Variants in STT3B observed in about 807,000 individuals in gnomAD.
STT3B encodes dolichyl-diphosphooligosaccharide--protein glycosyltransferase subunit STT3B.
In STT3B, 29 loss-of-function variants were observed where a neutral mutation model predicts 96.8. That is an observed-to-expected ratio of 0.30 (90% CI 0.22 to 0.41). The LOEUF is 0.41. Among genes scored for constraint, STT3B ranks in the 10% least tolerant of loss-of-function variants. The pLI, the probability that STT3B is intolerant of heterozygous loss-of-function variation, is 1.00. For missense variants in STT3B, 640 were observed against 1,022.3 expected, an observed-to-expected ratio of 0.63 and a Z score of 5.10; for synonymous variants, 367 against 360.0, an observed-to-expected ratio of 1.02 and a Z score of -0.22.
At chr3:31,554,052 C>T (rs1697633879) in intron 1 of STT3B, among the ~76,000 whole-genome samples, 1 of 152,114 alleles carries the variant, frequency 6.6e-6, no homozygotes, top group South Asian at 2.1e-4. Context: ...CTAGCTTTTT[C>T]TGTTCTAGGA....
chr3:31,568,963 C>G (rs1379194089), intron 1 of STT3B, among the ~76,000 whole-genome samples: 1 of 152,148 alleles, frequency 6.6e-6, no homozygotes, highest in Non-Finnish European at 1.5e-5. Context: ...CCTACCAGCT[C>G]ATAAAGTTCT....
intron 13 of STT3B, 102 bp downstream of exon 13, chr3:31,626,229 C>T: frequency 9.2e-7 from 1 of 1,086,320 alleles, no homozygotes; most frequent in Non-Finnish European, 1.3e-6. Flanking sequence ...TCATCCTATC[C>T]CTCAGATTAG....
chr3:31,570,528 A>G (rs575430380), intron 1 of STT3B, among the ~76,000 whole-genome samples: 2 of 152,334 alleles, frequency 1.3e-5, no homozygotes, highest in East Asian at 3.9e-4. Flanking sequence ...GACAGAGCCA[A>G]GGGCTGAGGA....
intron 1 of STT3B, among the ~76,000 whole-genome samples, chr3:31,570,255 C>T (rs1698106174): frequency 1.3e-5 from 2 of 152,116 alleles, no homozygotes; most frequent in South Asian, 4.1e-4. Context: ...GCTAAGCAAG[C>T]ATTAATTGAA....
intron 5 of STT3B, among the ~76,000 whole-genome samples, chr3:31,606,222 C>T (rs1042622481): frequency 2.0e-5 from 3 of 152,154 alleles, no homozygotes; most frequent in Non-Finnish European, 2.9e-5. Context: ...AATAGAAAAG[C>T]AGAACCCATT....
rs184764195 is a variant in STT3B at position 31,622,866 on chromosome 3, G to T, written c.1539+558G>T. 1.6e-3 allele frequency among the ~76,000 whole-genome samples: 251 copies of T among 152,286 alleles called. 2 individuals carry two copies. Among genetic ancestry groups the T allele is most frequent in the African/African-American group, 5.9e-3 (247 of 41,552 alleles). On this transcript the variant is annotated intron_variant, in intron 10 of 15. Coordinates refer to ENST00000295770, the MANE Select transcript of STT3B (RefSeq NM_178862.3). The stretch of plus-strand genomic sequence containing the variant: ...TTCTCAGTTGGTGCAAGTGTGAAAA[G>T]GACTTGTAAGAATTAGAGCACTTGT...
At chr3:31,608,496 A>T (rs1455882789) in intron 5 of STT3B, among the ~76,000 whole-genome samples, 1 of 152,226 alleles carries the variant, frequency 6.6e-6, no homozygotes, top group African/African-American at 2.4e-5. Flanking sequence ...CTCATTGTGT[A>T]GTTCACAAGG....
intron 5 of STT3B, among the ~76,000 whole-genome samples, chr3:31,601,143 A>G (rs775446794): frequency 1.2e-4 from 18 of 152,186 alleles, no homozygotes; most frequent in Admixed American, 7.9e-4. Context: ...TAGCTTGGCA[A>G]TTTCTCAGAA....
chr3:31,596,210 G>A (rs1235676270), intron 3 of STT3B, among the ~76,000 whole-genome samples: 2 of 152,104 alleles, frequency 1.3e-5, no homozygotes, highest in African/African-American at 2.4e-5. Flanking sequence ...TGGTTTTATT[G>A]TAATAGATTA....
rs1006572844 is a variant in STT3B at position 31,629,381 on chromosome 3, A to G, written c.2157A>G (p.Lys719=). 4 of 1,603,996 alleles carry G rather than the reference A, an allele frequency of 2.5e-6. No individual in the cohort carries two copies. The highest frequency in any genetic ancestry group is 3.4e-6 in the Non-Finnish European group (4 of 1,173,062). The change falls in exon 14 of 16, where the codon AAA becomes AAG. Residue 719 remains lysine (K), a synonymous_variant. Transcript: ENST00000295770. ...SPTLLNCLMY[K]MSYYRFGEMQ... ...CTTTGTTGAATTGCCTTATGTATAA[A>G]ATGTCATACTACAGATTTGGAGAAA...
chr3:31,593,264 G>A (rs556469758), intron 3 of STT3B, among the ~76,000 whole-genome samples: 87 of 151,778 alleles, frequency 5.7e-4, no homozygotes, highest in African/African-American at 1.9e-3. Context: ...TTCATTTAAC[G>A]CTGTGAGTAT....
At position 31,545,832 on chromosome 3, in the gene STT3B, TA is replaced by T. The variant is rs1315611867; in HGVS notation, c.314+12522del. Among the ~76,000 whole-genome samples the T allele has an allele frequency of 4.5e-3, 637 of 142,484 alleles. 7 individuals carry two copies. The highest frequency in any genetic ancestry group is 0.015 in the African/African-American group (566 of 37,274). 93.5% of individuals were successfully genotyped at this position (142,484 alleles called of 152,430 possible). A position where few individuals can be genotyped will look rare whatever the true frequency, so the allele number is the denominator to read the frequency against. On this transcript the variant is annotated intron_variant, in intron 1 of 15. Coordinates refer to ENST00000295770, the MANE Select transcript of STT3B (RefSeq NM_178862.3). The stretch of plus-strand genomic sequence containing the variant: ...AGGAGTGGTTTTTTTTTTTTTTTTT[TA>T]AGCTCATCAGCTATCGTTAGTGTAT...
chr3:31,537,700 A>G (rs942482739), intron 1 of STT3B, among the ~76,000 whole-genome samples: 3 of 152,210 alleles, frequency 2.0e-5, no homozygotes, highest in Non-Finnish European at 4.4e-5. Context: ...GCATAAAGAC[A>G]ACATTGGTTA....
chr3:31,540,678 G>A (rs896174088), intron 1 of STT3B, among the ~76,000 whole-genome samples: 14 of 152,034 alleles, frequency 9.2e-5, no homozygotes, highest in African/African-American at 3.4e-4. Flanking sequence ...ATGTTGTAGC[G>A]TATAAGATAT....
chr3:31,613,891 C>T (rs1356755305), intron 5 of STT3B, among the ~76,000 whole-genome samples: 1 of 151,914 alleles, frequency 6.6e-6, no homozygotes, highest in African/African-American at 2.4e-5. Context: ...TGTCTGTTGT[C>T]TTCTAGACAT....
At chr3:31,565,433 G>T (rs895254048) in intron 1 of STT3B, among the ~76,000 whole-genome samples, 6 of 152,164 alleles carry the variant, frequency 3.9e-5, no homozygotes, top group African/African-American at 1.4e-4. Flanking sequence ...GGAAGGAGTT[G>T]TTGTACATTT....
At chr3:31,575,879 G>T (rs1343258381) in intron 1 of STT3B, among the ~76,000 whole-genome samples, 2 of 151,690 alleles carry the variant, frequency 1.3e-5, no homozygotes, top group Non-Finnish European at 2.9e-5. Context: ...TTCATTTTGG[G>T]CCCTGGTTTC....
At chr3:31,592,184 A>G (rs1698681074) in intron 3 of STT3B, among the ~76,000 whole-genome samples, 2 of 152,158 alleles carry the variant, frequency 1.3e-5, no homozygotes, top group African/African-American at 2.4e-5. Flanking sequence ...TTTTGACTAA[A>G]TACTTCACAT....
chr3:31,564,250 A>C (rs1260625038), intron 1 of STT3B, among the ~76,000 whole-genome samples: 1 of 152,208 alleles, frequency 6.6e-6, no homozygotes, highest in South Asian at 2.1e-4. Context: ...AGTTGTGTAA[A>C]AATGCTTTAA....
Sources: allele counts gnomAD v4.1 joint callset (sites outside exome capture counted in the v4.1 genomes callset), GRCh38; gene constraint gnomAD v4.1.1; transcripts MANE v1.5; gene names NCBI Gene and HGNC (gene_info 2026-07-23, HGNC 2026-07-21).